Variants in PARD3 observed in about 807,000 individuals in gnomAD.
PARD3 encodes partitioning defective 3 homolog.
PARD3 carries 75 observed loss-of-function variants against 155.4 expected under a neutral mutation model. The observed-to-expected ratio is 0.48, with a 90% CI of 0.40 to 0.58. PARD3 has a LOEUF of 0.58. Ranked by LOEUF, PARD3 falls within the 20% of genes least tolerant of loss-of-function variation. PARD3 has a pLI of 0.00. For missense variants in PARD3, 1,642 were observed against 1,721.7 expected (o/e 0.95, Z 0.82); for synonymous variants, 576 against 610.5 (o/e 0.94, Z 0.83).
intron 12 of PARD3, among the ~76,000 whole-genome samples, 188 bp downstream of exon 12, chr10:34,372,310 A>G (rs1469464687): frequency 6.6e-6 from 1 of 152,162 alleles, no homozygotes; most frequent in Non-Finnish European, 1.5e-5. Flanking sequence ...ATCACAAAAT[A>G]TACTCCATTT....
At chr10:34,362,168 G>C (rs1232099255) in intron 12 of PARD3, among the ~76,000 whole-genome samples, 1 of 152,006 alleles carries the variant, frequency 6.6e-6, no homozygotes, top group Non-Finnish European at 1.5e-5. Context: ...GCGTGGTGGC[G>C]GGCACCTGTA....
chr10:34,413,155 ACACACAC>A (rs1845283405), intron 5 of PARD3, among the ~76,000 whole-genome samples: 1 of 150,622 alleles, frequency 6.6e-6, no homozygotes, highest in Non-Finnish European at 1.5e-5. Context: ...ACACACACAC[ACACACAC>A]ACACACACAC....
At chr10:34,659,842 G>T (rs2093277049) in intron 2 of PARD3, among the ~76,000 whole-genome samples, 1 of 152,112 alleles carries the variant, frequency 6.6e-6, no homozygotes, top group Non-Finnish European at 1.5e-5. Flanking sequence ...GGCCATCTAG[G>T]TTATAAAACA....
intron 22 of PARD3, among the ~76,000 whole-genome samples, chr10:34,164,401 A>G (rs1411060245): frequency 1.3e-5 from 2 of 152,256 alleles, no homozygotes; most frequent in Non-Finnish European, 2.9e-5. Context: ...TTAATCAAAA[A>G]TGGCAAATTT....
chr10:34,177,675 G>C (rs1213011075), intron 22 of PARD3, among the ~76,000 whole-genome samples: 1 of 152,148 alleles, frequency 6.6e-6, no homozygotes, highest in African/African-American at 2.4e-5. Flanking sequence ...GGGCTGCCTC[G>C]TTTTAGTAGA....
chr10:34,571,095 G>A (rs1249055714), intron 2 of PARD3, among the ~76,000 whole-genome samples: 1 of 152,156 alleles, frequency 6.6e-6, no homozygotes, highest in Non-Finnish European at 1.5e-5. Flanking sequence ...AGGATTGCTT[G>A]AGGCCAGGAG....
chr10:34,343,838 T>C, intron 15 of PARD3: 4 of 981,522 alleles, frequency 4.1e-6, no homozygotes, highest in Non-Finnish European at 4.8e-6. Flanking sequence ...AACTAGTCAG[T>C]ATCTTGTAGA....
intron 7 of PARD3, among the ~76,000 whole-genome samples, chr10:34,392,255 G>A (rs914161487): frequency 2.0e-5 from 3 of 151,994 alleles, no homozygotes; most frequent in Admixed American, 1.3e-4. Context: ...GGACAATAAT[G>A]TAACTAAGCA....
intron 23 of PARD3, among the ~76,000 whole-genome samples, chr10:34,128,568 A>T (rs1437950164): frequency 6.6e-6 from 1 of 152,026 alleles, no homozygotes; most frequent in Non-Finnish European, 1.5e-5. Context: ...TTGCATGGGG[A>T]TTTCTGATTG....
At chr10:34,125,743 G>T (rs1055114770) in intron 23 of PARD3, among the ~76,000 whole-genome samples, 1 of 152,188 alleles carries the variant, frequency 6.6e-6, no homozygotes, top group African/African-American at 2.4e-5. Flanking sequence ...AAGCTTGAGG[G>T]AGAAGAGGAT....
intron 2 of PARD3, among the ~76,000 whole-genome samples, chr10:34,608,856 G>A (rs2090671554): frequency 6.6e-6 from 1 of 151,708 alleles, no homozygotes; most frequent in Non-Finnish European, 1.5e-5. Context: ...AAACTAACAG[G>A]GTATAGCAAC....
At position 34,317,420 on chromosome 10, in the gene PARD3, T is replaced by C. The variant is rs57962942; in HGVS notation, c.2834-82A>G. 7,526 of 1,435,002 alleles carry C rather than the reference T, an allele frequency of 5.2e-3. 319 individuals are homozygous for C. In the African/African-American group the frequency reaches 0.095, roughly 18 times the overall value. The allele number at this position is 1,435,002 out of a possible 1,614,324, so 88.9% of individuals were successfully genotyped here. On this transcript the variant is annotated intron_variant, in intron 19 of 24. Transcript: ENST00000374788. ...AAAGCTAAAATACATTCAAGGACTT[T>C]ACTTTCCCACACTTTTACTGCAGTA...
intron 1 of PARD3, among the ~76,000 whole-genome samples, chr10:34,736,959 G>A (rs2094926965): frequency 6.6e-6 from 1 of 152,204 alleles, no homozygotes; most frequent in Non-Finnish European, 1.5e-5. Flanking sequence ...TTACAGGCAT[G>A]AGCCACCATG....
rs138132900 is a variant in PARD3, at chr10:34,112,868, G to A, written c.3669-1306C>T. Among the ~76,000 whole-genome samples the A allele has an allele frequency of 2.4e-3, 360 of 152,304 alleles. 5 individuals are homozygous for A. Among genetic ancestry groups the A allele is most frequent in the African/African-American group, 8.2e-3 (342 of 41,566 alleles). On this transcript the variant is annotated intron_variant, in intron 24 of 24. Transcript: ENST00000374788. ...ATCACCTCTGGCTATGACGATGACT[G>A]GATGAGCATTCCATAGCATGTCTGT...
chr10:34,362,074 T>C (rs1425258565), intron 12 of PARD3, among the ~76,000 whole-genome samples: 1 of 152,082 alleles, frequency 6.6e-6, no homozygotes, highest in Non-Finnish European at 1.5e-5. Flanking sequence ...TCGAAGCAGG[T>C]GGATCACGAG....
chr10:34,369,059 G>A (rs1840297552), intron 12 of PARD3, among the ~76,000 whole-genome samples: 1 of 151,580 alleles, frequency 6.6e-6, no homozygotes, highest in African/African-American at 2.4e-5. Context: ...ACATTAAGGA[G>A]AAATAAAATC....
chr10:34,692,547 G>A (rs2133442119), intron 2 of PARD3, among the ~76,000 whole-genome samples: 2 of 152,222 alleles, frequency 1.3e-5, no homozygotes, highest in South Asian at 4.2e-4. Flanking sequence ...AAGAACTTAA[G>A]CAAACTAACA....
chr10:34,185,575 T>C (rs1179457259), intron 22 of PARD3, among the ~76,000 whole-genome samples: 3 of 152,132 alleles, frequency 2.0e-5, no homozygotes, highest in African/African-American at 7.2e-5. Flanking sequence ...AGTTACTGGA[T>C]ATTTATTGAA....
At chr10:34,596,136 G>A (rs1459691524) in intron 2 of PARD3, among the ~76,000 whole-genome samples, 1 of 152,132 alleles carries the variant, frequency 6.6e-6, no homozygotes, top group South Asian at 2.1e-4. Context: ...CAAGTTAAAT[G>A]TGAGAGTCAC....
Sources: allele counts gnomAD v4.1 joint callset (sites outside exome capture counted in the v4.1 genomes callset), GRCh38; gene constraint gnomAD v4.1.1; transcripts MANE v1.5; gene names NCBI Gene and HGNC (gene_info 2026-07-23, HGNC 2026-07-21).